Variants in NAA25 observed in about 807,000 individuals in gnomAD.
NAA25 encodes the protein N-alpha-acetyltransferase 25, NatB auxiliary subunit, also known as N-terminal acetyltransferase B complex subunit NAA25.
NAA25 carries 30 observed loss-of-function variants against 132.5 expected under a neutral mutation model. The observed-to-expected ratio is 0.23, with a 90% CI of 0.17 to 0.31. The LOEUF is 0.31. NAA25 is among the 10% of genes least tolerant of loss of function. NAA25 has a pLI of 1.00. For missense variants in NAA25, 771 were observed against 1,150.4 expected (o/e 0.67, Z 4.77); for synonymous variants, 359 against 401.9 (o/e 0.89, Z 1.28).
chr12:112,087,629 CTT>C, intron 4 of NAA25, 52 bp downstream of exon 4: 1 of 1,240,056 alleles, frequency 8.1e-7, no homozygotes, highest in Non-Finnish European at 1.2e-6. Context: ...AAGAAAGAGA[CTT>C]TTGCCTCTAA....
At position 112,054,371 on chromosome 12, in the gene NAA25, G is replaced by C. The variant is rs1370708430; in HGVS notation, c.1628+17C>G. On this transcript the variant is annotated intron_variant, in intron 14 of 23. Coordinates refer to ENST00000261745, the MANE Select transcript of NAA25 (RefSeq NM_024953.4). ...GGTATAGCTGGCTGCTCATTATTCA[G>C]AGTATATACTACCAACCCAATGGTA... The C allele has an allele frequency of 6.2e-7, 1 of 1,610,910 alleles. No individual in the cohort carries two copies.
intron 13 of NAA25, among the ~76,000 whole-genome samples, chr12:112,058,926 C>T (rs1182259040): frequency 3.3e-5 from 5 of 151,422 alleles, no homozygotes; most frequent in Admixed American, 2.0e-4. Flanking sequence ...GGCATGGTGG[C>T]GGGCACCTGT....
At chr12:112,056,291 A>G (rs1050521800) in intron 13 of NAA25, among the ~76,000 whole-genome samples, 5 of 152,080 alleles carry the variant, frequency 3.3e-5, no homozygotes, top group African/African-American at 1.2e-4. Flanking sequence ...CCGAGATTGC[A>G]CCACTGCACT....
chr12:112,087,638 C>G (rs1464061497), intron 4 of NAA25, 45 bp downstream of exon 4: 1 of 1,345,822 alleles, frequency 7.4e-7, no homozygotes, highest in Non-Finnish European at 1.1e-6. Flanking sequence ...ACTTTTGCCT[C>G]TAATAGTAAA....
intron 1 of NAA25, among the ~76,000 whole-genome samples, chr12:112,102,183 C>T (rs1014543801): frequency 1.3e-5 from 2 of 151,844 alleles, no homozygotes; most frequent in African/African-American, 4.8e-5. Context: ...AAGAGTGAAA[C>T]TCCATCTCAA....
rs750607491 is a variant in NAA25 at position 112,039,238 on chromosome 12, G to T, written c.2640C>A (p.Ser880Arg). 1 of 1,578,938 alleles carries T rather than the reference G, an allele frequency of 6.3e-7. No individual in the cohort carries two copies. The highest frequency in any genetic ancestry group is 8.7e-7 in the Non-Finnish European group (1 of 1,155,026). The change falls in exon 22 of 24, where the codon AGC becomes AGA. Residue 880 changes from serine (S) to arginine (R), a missense_variant. By Grantham distance (110) the Ser-to-Arg change is moderately radical. This residue lies in a region of NAA25 where 324 missense variants were observed against 400.0 expected (regional missense o/e 0.81). Transcript: ENST00000261745. Reference protein sequence around the residue: ...QKKKKKKKETSIIMPPVFTSF... With the variant: ...QKKKKKKKETRIIMPPVFTSF... ...GTGTTACTGTTATTACCATGATGAT[G>T]CTGGTTTCTTTTTTCTTCTTTTTCT...
chr12:112,087,009 CAAA>C (rs57089089), intron 4 of NAA25, among the ~76,000 whole-genome samples: 15 of 70,568 alleles, frequency 2.1e-4, no homozygotes, highest in Admixed American at 5.9e-4. Flanking sequence ...ACTCCATCTC[CAAA>C]AAAAAAAAAA....
At chr12:112,091,843 T>TAA (rs1422421684) in intron 2 of NAA25, among the ~76,000 whole-genome samples, 4 of 152,160 alleles carry the variant, frequency 2.6e-5, no homozygotes, top group Non-Finnish European at 5.9e-5. Context: ...GGCTGGGTGA[T>TAA]AGAGACCTTG....
rs564361846 is a variant in NAA25, at chr12:112,045,287, C to T, written c.2007-1419G>A. 1.2e-4 allele frequency among the ~76,000 whole-genome samples: 18 copies of T among 151,902 alleles called. No individual in the cohort carries two copies. The South Asian group carries it at 2.3e-3, about 19-fold the overall frequency. On this transcript the variant is annotated intron_variant, in intron 17 of 23. Coordinates refer to ENST00000261745, the MANE Select transcript of NAA25 (RefSeq NM_024953.4). ...CAGGCAGATCATGAGGTCAGGAGAT[C>T]GAGACCATCCTGGCTAACACAGTAA...
Position 112,078,335 on chromosome 12 carries a change from GT to G in NAA25, c.586-70del, listed in dbSNP as rs1176286600. Reference sequence around the variant, plus strand: ...ATAATAAAAAGACAGTCATTTATAGGTTTTTAAAAAGTTATTTAATAGAGCA... The same window carrying G: ...ATAATAAAAAGACAGTCATTTATAGGTTTTAAAAAGTTATTTAATAGAGCA... On this transcript the variant is annotated intron_variant, in intron 6 of 23. Transcript: ENST00000261745. 4.1e-6 allele frequency: 5 copies of G among 1,215,848 alleles called. No homozygotes were observed. In the Admixed American group the frequency reaches 1.1e-4, roughly 26 times the overall value. 75.3% of individuals were successfully genotyped at this position (1,215,848 alleles called of 1,614,324 possible).
At chr12:112,101,860 C>T (rs2079301291) in intron 1 of NAA25, among the ~76,000 whole-genome samples, 1 of 151,060 alleles carries the variant, frequency 6.6e-6, no homozygotes, top group African/African-American at 2.4e-5. Flanking sequence ...TTTTCCAAAT[C>T]TTTTCAACTT....
At chr12:112,106,673 T>TG (rs1455250034) in intron 1 of NAA25, among the ~76,000 whole-genome samples, 1 of 152,054 alleles carries the variant, frequency 6.6e-6, no homozygotes, top group African/African-American at 2.4e-5. Context: ...AAGGTGAGCC[T>TG]GGGCCAGGCA....
intron 1 of NAA25, among the ~76,000 whole-genome samples, chr12:112,093,419 T>C (rs1566032463): frequency 6.6e-6 from 1 of 151,854 alleles, no homozygotes. Flanking sequence ...TGCACACCTG[T>C]AGCCCCAGGT....
At chr12:112,097,947 G>A (rs1189319517) in intron 1 of NAA25, among the ~76,000 whole-genome samples, 2 of 151,586 alleles carry the variant, frequency 1.3e-5, no homozygotes, top group South Asian at 4.2e-4. Context: ...GTGAAACCCC[G>A]TCTCTACCAA....
chr12:112,072,072 A>G lies in NAA25; in HGVS notation c.867-8T>C, dbSNP rs2078818038. The G allele has an allele frequency of 1.9e-6, 3 of 1,605,538 alleles. No homozygotes were observed. The highest frequency in any genetic ancestry group is 2.6e-6 in the Non-Finnish European group (3 of 1,175,686). ...ACTTCTCCTTCTAAAGAGCTGAGGA[A>G]AAGCACATGAAAAAGGAATTTTATT... On this transcript the variant is annotated splice_polypyrimidine_tract_variant and splice_region_variant and intron_variant, in intron 9 of 23. Coordinates refer to ENST00000261745, the MANE Select transcript of NAA25 (RefSeq NM_024953.4).
chr12:112,075,597 AAC>A (rs2078884036), intron 8 of NAA25, 79 bp downstream of exon 8: 3 of 1,203,890 alleles, frequency 2.5e-6, no homozygotes, highest in Non-Finnish European at 3.6e-6. Context: ...GAAACTTCAA[AAC>A]ACAGACACCA....
chr12:112,102,548 A>G (rs1388626916), intron 1 of NAA25, among the ~76,000 whole-genome samples: 1 of 152,184 alleles, frequency 6.6e-6, no homozygotes, highest in African/African-American at 2.4e-5. Context: ...TGAATTATTC[A>G]GCTAAGACAG....
At chr12:112,062,199 C>G (rs2078639936) in intron 11 of NAA25, among the ~76,000 whole-genome samples, 1 of 152,000 alleles carries the variant, frequency 6.6e-6, no homozygotes, top group African/African-American at 2.4e-5. Flanking sequence ...GAGTTCAAGA[C>G]CAGCTGGGCC....
chr12:112,038,945 C>CT (rs2078264625), intron 22 of NAA25, among the ~76,000 whole-genome samples: 1 of 152,148 alleles, frequency 6.6e-6, no homozygotes, highest in South Asian at 2.1e-4. Flanking sequence ...TGCCACTGAA[C>CT]TCCAGCCTGG....
Sources: allele counts gnomAD v4.1 joint callset (sites outside exome capture counted in the v4.1 genomes callset), GRCh38; gene constraint gnomAD v4.1.1; regional missense constraint gnomAD v4.1.1; transcripts MANE v1.5; gene names NCBI Gene and HGNC (gene_info 2026-07-23, HGNC 2026-07-21).